The following CHADL variants were observed in gnomAD, a reference collection of about 807,000 sequenced individuals.
The protein encoded by CHADL is chondroadherin like, also known as chondroadherin-like protein.
A neutral mutation model predicts 52.1 loss-of-function variants in CHADL; 48 were observed. The observed-to-expected ratio is 0.92, with a 90% CI of 0.73 to 1.17. CHADL has a LOEUF of 1.17. Ranked by LOEUF, CHADL falls within the 50% of genes most tolerant of loss-of-function variation. CHADL has a pLI of 0.00. For missense variants in CHADL, 977 were observed against 1,035.1 expected (o/e 0.94, Z 0.77); for synonymous variants, 498 against 511.2 (o/e 0.97, Z 0.35).
intron 1 of CHADL, among the ~76,000 whole-genome samples, chr22:41,240,489 C>T (rs2032841097): frequency 6.6e-6 from 1 of 152,214 alleles, no homozygotes; most frequent in African/African-American, 2.4e-5. Context: ...ACTGGACTAT[C>T]GTCTGTTTTG....
chr22:41,239,674 C>T (rs1485402479), intron 1 of CHADL, 54 bp from the exon 2 acceptor site: 1 of 1,417,012 alleles, frequency 7.1e-7, no homozygotes, highest in South Asian at 1.5e-5. Context: ...CACATGCTGT[C>T]CCTCACTTAG....
chr22:41,237,907 C>A lies in CHADL; in HGVS notation c.1165G>T (p.Glu389Ter). ...PPRGPPRGPG[E>*]ERAVAPCPRA... ...GGGCAAGGCGCGACTGCCCGCTCCT[C>A]CCCGGGGCCGCGCGGAGGGCCGCGC... The change falls in exon 3 of 6, where the codon GAG (glutamate) becomes TAG (stop). Residue 389 changes from glutamate to a stop codon, truncating the protein, a stop_gained. Transcript: ENST00000216241. LOFTEE classifies it high-confidence loss of function. 7.7e-7 allele frequency: 1 copy of A among 1,302,544 alleles called. No homozygotes were observed. The highest frequency in any genetic ancestry group is 9.7e-7 in the Non-Finnish European group (1 of 1,031,814). 80.7% of individuals were successfully genotyped at this position (1,302,544 alleles called of 1,614,324 possible). A position where few individuals can be genotyped will look rare whatever the true frequency, so the allele number is the denominator to read the frequency against.
In CHADL at chr22:41,238,675, G is replaced by T. The variant is rs1204153528; in HGVS notation, c.397C>A (p.Leu133Met). 1 of 1,545,420 alleles carries T rather than the reference G, an allele frequency of 6.5e-7. No individual in the cohort carries two copies. ...AGCTCCAGCCGCCGCAACGAGCCCA[G>T]CCCGTCCAGCGCCTCCTGGGGCAGC... ...RELPQEALDG[L>M]GSLRRLELEG... is the part of the protein sequence containing the mutation. Residue 133 changes from leucine (L) to methionine (M), a missense_variant, in exon 3 of 6, where the codon CTG (leucine) becomes ATG (methionine). Coordinates refer to ENST00000216241, the MANE Select transcript of CHADL (RefSeq NM_138481.2). The surrounding 1 kb of genome is among the most constrained non-coding windows in gnomAD (Gnocchi z 4.9).
chr22:41,236,153 C>T lies in CHADL; in HGVS notation c.2063+331G>A, dbSNP rs531655992. On this transcript the variant is annotated intron_variant, in intron 4 of 5. Transcript: ENST00000216241. ...TCCCAAAGTGCTGGGATTATAGGCG[C>T]GAGCCACCATCCCCGACCTCTTGTG... Among the ~76,000 whole-genome samples the T allele has an allele frequency of 4.7e-4, 71 of 152,278 alleles. No individual in the cohort carries two copies. In the South Asian group the frequency reaches 7.9e-3, roughly 17 times the overall value.
Position 41,236,614 on chromosome 22 carries a change from G to T in CHADL, c.1933C>A (p.Leu645Ile), listed in dbSNP as rs1418087899. ...TTCTTCTGCAGGTGCAGGCTCTGGA[G>T]CCCGGGCCCCAGGCCTGAAAAGGCC... Reference protein sequence around the residue: ...PGAFSGLGPGLQSLHLQKNQL... With the variant: ...PGAFSGLGPGIQSLHLQKNQL... The change falls in exon 4 of 6, where the codon CTC (leucine) becomes ATC (isoleucine). Residue 645 changes from leucine to isoleucine, a missense_variant. Coordinates refer to ENST00000216241, the MANE Select transcript of CHADL (RefSeq NM_138481.2). 4.5e-6 allele frequency: 7 copies of T among 1,550,414 alleles called. No individual in the cohort carries two copies. The highest frequency in any genetic ancestry group is 2.4e-5 in the South Asian group (2 of 84,026).
At chr22:41,240,027 A>G (rs755706732) in intron 1 of CHADL, among the ~76,000 whole-genome samples, 1 of 152,094 alleles carries the variant, frequency 6.6e-6, no homozygotes, top group Non-Finnish European at 1.5e-5. Context: ...CAGGAGCATA[A>G]TGGTACCCCC....
intron 2 of CHADL, among the ~76,000 whole-genome samples, chr22:41,239,140 C>T (rs976589939): frequency 2.0e-5 from 3 of 152,196 alleles, no homozygotes; most frequent in African/African-American, 7.2e-5. Context: ...AGAGCAGAGA[C>T]CACACCTCAC....
At position 41,237,566 on chromosome 22, in the gene CHADL, C is replaced by G; in HGVS notation, c.1506G>C (p.Leu502=). The G allele has an allele frequency of 1.9e-6, 3 of 1,550,514 alleles. No individual in the cohort carries two copies. Among genetic ancestry groups the G allele is most frequent in the African/African-American group, 1.4e-5 (1 of 73,188 alleles). Residue 502 remains leucine (L), a synonymous_variant, in exon 3 of 6, where the codon CTG becomes CTC. Coordinates refer to ENST00000216241, the MANE Select transcript of CHADL (RefSeq NM_138481.2). ...ALEGAPRLGY[L]YLERNRFLQV... is the part of the protein sequence containing the mutation. ...GCAGGAAACGGTTGCGTTCTAGGTA[C>G]AGGTAGCCGAGGCGGGGAGCCCCTT...
intron 5 of CHADL, chr22:41,230,521 C>G: frequency 2.2e-6 from 1 of 455,042 alleles, no homozygotes; most frequent in Non-Finnish European, 3.9e-6. Flanking sequence ...CCAGAGTTCC[C>G]AAAGCTGGAA....
At position 41,238,907 on chromosome 22, in the gene CHADL, TG is replaced by T. The variant is rs1336351015; in HGVS notation, c.187-23del. 1 of 1,515,708 alleles carries T rather than the reference TG, an allele frequency of 6.6e-7. No individual in the cohort carries two copies. The allele number at this position is 1,515,708 out of a possible 1,614,324, so 93.9% of individuals were successfully genotyped here. On this transcript the variant is annotated intron_variant, in intron 2 of 5. Coordinates refer to ENST00000216241, the MANE Select transcript of CHADL (RefSeq NM_138481.2). This position sits in a 1 kb window ranked among gnomAD's most constrained non-coding sequence, Gnocchi z 4.9. Reference sequence around the variant, plus strand: ...TCAGCTGGGGACAGCGAGGAGAAAGTGGGGCTGAGCCAGGCAGGGACCCCGC... The same window carrying T: ...TCAGCTGGGGACAGCGAGGAGAAAGTGGGCTGAGCCAGGCAGGGACCCCGC...
rs746740003 is a variant in CHADL, at chr22:41,229,612, C to T, written c.*92G>A. On this transcript the variant is annotated 3_prime_UTR_variant, in exon 6 of 6. Transcript: ENST00000216241. ...AAGAAGCCCCTGCTGGAGGACGACCCTCAGGGTGCCAGGAAGATCTCGTCG... is the reference window on the plus strand; with the variant it reads ...AAGAAGCCCCTGCTGGAGGACGACCTTCAGGGTGCCAGGAAGATCTCGTCG... 3.1e-6 allele frequency: 5 copies of T among 1,613,910 alleles called. No homozygotes were observed. The South Asian group carries it at 5.5e-5, about 18-fold the overall frequency.
At chr22:41,236,770 G>T in intron 3 of CHADL, 120 bp from the exon 4 acceptor site, 1 of 1,006,506 alleles carries the variant, frequency 9.9e-7, no homozygotes, top group Non-Finnish European at 1.4e-6. Flanking sequence ...AGCTGGTCCA[G>T]CCAGGAAGTG....
At chr22:41,230,085 A>G (rs879172048) in intron 5 of CHADL, 2 of 262,196 alleles carry the variant, frequency 7.6e-6, no homozygotes, top group Non-Finnish European at 1.4e-5. Context: ...CTCCGCCCCC[A>G]CCCCTCCCAG....
chr22:41,230,443 C>T (rs2032524294), intron 5 of CHADL: 3 of 589,022 alleles, frequency 5.1e-6, no homozygotes, highest in Non-Finnish European at 9.0e-6. Flanking sequence ...TCTGCCCTCC[C>T]CTGTGGAAAG....
At chr22:41,229,790 G>T in intron 5 of CHADL, 60 bp from the exon 6 acceptor site, 2 of 1,447,118 alleles carry the variant, frequency 1.4e-6, no homozygotes, top group Non-Finnish European at 1.9e-6. Context: ...AAGCAGTCCT[G>T]TACCACTGGA....
rs770348096 is a variant in CHADL at position 41,239,517 on chromosome 22, T to G, written c.112A>C (p.Ile38Leu). 1.1e-5 allele frequency: 17 copies of G among 1,550,348 alleles called. No homozygotes were observed. The East Asian group carries it at 3.7e-4, about 33-fold the overall frequency. Residue 38 changes from isoleucine (I) to leucine (L), a missense_variant, in exon 2 of 6, where the codon ATC becomes CTC. Transcript: ENST00000216241. ...AAAQRCPQAC[I>L]CDNSRRHVAC... is the part of the protein sequence containing the mutation. ...ACGTGTCGCCTGGAGTTGTCACAGA[T>G]GCAGGCCTGTGGGCAGCGCTGGGCG... is the stretch of plus-strand genomic sequence containing the variant.
intron 5 of CHADL, among the ~76,000 whole-genome samples, chr22:41,232,069 AC>A (rs2032609583): frequency 6.6e-6 from 1 of 152,064 alleles, no homozygotes; most frequent in Admixed American, 6.6e-5. Flanking sequence ...GCGGTGGCTC[AC>A]GCCTGTAATC....
intron 5 of CHADL, 87 bp from the exon 6 acceptor site, chr22:41,229,817 G>T: frequency 8.1e-7 from 1 of 1,227,494 alleles, no homozygotes; most frequent in South Asian, 1.3e-5. Flanking sequence ...GTGTTTCCCA[G>T]ACACGCCCCC....
chr22:41,233,671 C>T (rs908990146), intron 5 of CHADL, among the ~76,000 whole-genome samples: 2 of 152,164 alleles, frequency 1.3e-5, no homozygotes, highest in East Asian at 3.8e-4. Context: ...AGAGCACGCC[C>T]CTGCCAACAC....
Sources: gnomAD v4.1 joint callset for allele counts (sites outside exome capture counted in the v4.1 genomes callset) on GRCh38, gnomAD v4.1.1 for gene constraint, Gnocchi (gnomAD v3.1) non-coding constraint, MANE v1.5 for transcripts, NCBI Gene and HGNC (gene_info 2026-07-23, HGNC 2026-07-21) for gene names.